The following GSK3B variants were observed in gnomAD, a reference collection of about 807,000 sequenced individuals.
The protein encoded by GSK3B is glycogen synthase kinase-3 beta.
A neutral mutation model predicts 56.4 loss-of-function variants in GSK3B; 15 were observed. That is an observed-to-expected ratio of 0.27 (90% confidence interval 0.18 to 0.41). GSK3B has a LOEUF of 0.41. Among genes scored for constraint, GSK3B ranks in the 10% least tolerant of loss-of-function variants. The pLI is 1.00. For synonymous variants in GSK3B, 181 were observed against 188.9 expected, an observed-to-expected ratio of 0.96 and a Z score of 0.34; for missense variants, 300 against 513.4, an observed-to-expected ratio of 0.58 and a Z score of 4.02.
chr3:120,087,531 CAAA>C (rs796814551), intron 1 of GSK3B, among the ~76,000 whole-genome samples: 1 of 126,338 alleles, frequency 7.9e-6, no homozygotes. Flanking sequence ...GACTCCATCT[CAAA>C]AAAAAAAAAA....
At chr3:119,974,793 T>C (rs2057396426) in intron 2 of GSK3B, among the ~76,000 whole-genome samples, 1 of 152,198 alleles carries the variant, frequency 6.6e-6, no homozygotes, top group African/African-American at 2.4e-5. Context: ...TACACACCTA[T>C]TAGAATGGCT....
intron 6 of GSK3B, among the ~76,000 whole-genome samples, chr3:119,907,586 T>C (rs192477179): frequency 5.3e-5 from 8 of 152,138 alleles, no homozygotes; most frequent in Non-Finnish European, 8.8e-5. Flanking sequence ...TTCAACTAAA[T>C]AGAAGGTACC....
intron 2 of GSK3B, among the ~76,000 whole-genome samples, chr3:119,987,884 T>A (rs929696002): frequency 6.6e-6 from 1 of 152,232 alleles, no homozygotes; most frequent in African/African-American, 2.4e-5. Context: ...TCCAAAGTTA[T>A]GGAAGACTCC....
chr3:119,835,626 A>G lies in GSK3B; in HGVS notation c.1195+7629T>C, dbSNP rs372206243. ...ATAGAGGCAATTTTTACTTCCTAAA[A>G]TAACTATACACTATATGTTCTTGAT... On this transcript the variant is annotated intron_variant, in intron 10 of 10. Transcript: ENST00000264235. Among the ~76,000 whole-genome samples, 10 of 152,306 alleles carry G rather than the reference A, an allele frequency of 6.6e-5. 1 individual carries two copies. In the East Asian group the frequency reaches 7.7e-4, roughly 12 times the overall value.
At chr3:119,830,508 A>G (rs908386119) in intron 10 of GSK3B, among the ~76,000 whole-genome samples, 1 of 152,262 alleles carries the variant, frequency 6.6e-6, no homozygotes, top group African/African-American at 2.4e-5. Flanking sequence ...ACATAAAAAC[A>G]GCAAAGTTCA....
chr3:120,002,058 G>A lies in GSK3B; in HGVS notation c.270C>T (p.Asp90=). 6.3e-7 allele frequency: 1 copy of A among 1,597,398 alleles called. No individual in the cohort carries two copies. The highest frequency in any genetic ancestry group is 8.5e-7 in the Non-Finnish European group (1 of 1,172,036). The change falls in exon 2 of 11, where the codon GAC becomes GAT. Residue 90 remains aspartate, a synonymous_variant. Coordinates refer to ENST00000264235, the MANE Select transcript of GSK3B (RefSeq NM_001146156.2). The part of the protein sequence containing the change: ...ELVAIKKVLQ[D]KRFKNRELQI... ...CTGGACATTTTACCTTAAATCTCTT[G>A]TCCTGCAATACTTTCTTGATGGCGA... is the stretch of plus-strand genomic sequence containing the variant.
Position 119,824,401 on chromosome 3 carries a change from CTTCTT to C in GSK3B, c.*2382_*2386del. 1.4e-5 allele frequency: 3 copies of C among 218,794 alleles called. No individual in the cohort carries two copies. Among genetic ancestry groups the C allele is most frequent in the Middle Eastern group, 1.4e-3 (1 of 704 alleles). The allele number at this position is 218,794 out of a possible 1,614,324, so 13.6% of individuals were successfully genotyped here. On this transcript the variant is annotated 3_prime_UTR_variant, in exon 11 of 11. Coordinates refer to ENST00000264235, the MANE Select transcript of GSK3B (RefSeq NM_001146156.2). ...TGAGAGAAAAGCGTGACTTTTCTCT[CTTCTT>C]TTACCCCAGTTGTGGGGGGCAACCT... is the stretch of plus-strand genomic sequence containing the variant.
At chr3:120,069,928 G>A (rs1205659116) in intron 1 of GSK3B, among the ~76,000 whole-genome samples, 2 of 152,022 alleles carry the variant, frequency 1.3e-5, no homozygotes, top group African/African-American at 4.8e-5. Context: ...ATAAATATAG[G>A]GGAAGGCCAG....
chr3:119,928,648 A>G (rs1013530868), intron 3 of GSK3B, among the ~76,000 whole-genome samples: 2 of 150,570 alleles, frequency 1.3e-5, no homozygotes, highest in East Asian at 3.9e-4. Flanking sequence ...GGGAAAAGGG[A>G]TAAGAAGCAA....
At chr3:119,941,298 G>C (rs982093780) in intron 3 of GSK3B, among the ~76,000 whole-genome samples, 1 of 152,132 alleles carries the variant, frequency 6.6e-6, no homozygotes, top group African/African-American at 2.4e-5. Context: ...GATTACAGGC[G>C]TAAACCACCT....
chr3:119,919,532 GAAAAAAAA>G (rs1191428996), intron 4 of GSK3B, among the ~76,000 whole-genome samples: 1 of 97,364 alleles, frequency 1.0e-5, no homozygotes, highest in African/African-American at 3.8e-5. Context: ...AAAAAAAAAA[GAAAAAAAA>G]AAAAAAGAAA....
chr3:120,076,650 C>A (rs1472972962), intron 1 of GSK3B, among the ~76,000 whole-genome samples: 1 of 151,366 alleles, frequency 6.6e-6, no homozygotes, highest in Non-Finnish European at 1.5e-5. Flanking sequence ...CCCGTCTCTA[C>A]TAAAAATACA....
chr3:120,010,296 C>A (rs1178457062), intron 1 of GSK3B, among the ~76,000 whole-genome samples: 3 of 152,096 alleles, frequency 2.0e-5, no homozygotes, highest in African/African-American at 7.2e-5. Flanking sequence ...TTCAAGCTGA[C>A]TATAAACCTT....
intron 2 of GSK3B, among the ~76,000 whole-genome samples, chr3:119,962,580 GA>G (rs111991397): frequency 2.8e-5 from 4 of 145,300 alleles, no homozygotes; most frequent in East Asian, 2.0e-4. Context: ...ATCTAAATTG[GA>G]AAAAAAAAAG....
chr3:119,915,275 T>C (rs1026128901), intron 5 of GSK3B, among the ~76,000 whole-genome samples: 2 of 152,086 alleles, frequency 1.3e-5, no homozygotes, highest in African/African-American at 4.8e-5. Flanking sequence ...GCATTGTTTT[T>C]TATCTCATCC....
intron 7 of GSK3B, among the ~76,000 whole-genome samples, chr3:119,903,231 T>G (rs1559829983): frequency 6.6e-6 from 1 of 152,134 alleles, no homozygotes; most frequent in Non-Finnish European, 1.5e-5. Context: ...GCAGCCACGG[T>G]CAAGAACATA....
intron 7 of GSK3B, among the ~76,000 whole-genome samples, chr3:119,883,280 T>C (rs1300526370): frequency 6.6e-6 from 1 of 152,040 alleles, no homozygotes; most frequent in Non-Finnish European, 1.5e-5. Context: ...TTTGAAACAC[T>C]GAAGAATATT....
chr3:119,829,004 GTA>G (rs1162753246), intron 10 of GSK3B, among the ~76,000 whole-genome samples: 1 of 152,188 alleles, frequency 6.6e-6, no homozygotes, highest in African/African-American at 2.4e-5. Flanking sequence ...GCAGGAAAGG[GTA>G]TATGACACAG....
At chr3:119,951,336 TTCAGGCGGGCAGATCACCTGAGGA>T (rs1470642026) in intron 2 of GSK3B, among the ~76,000 whole-genome samples, 1 of 152,112 alleles carries the variant, frequency 6.6e-6, no homozygotes, top group Non-Finnish European at 1.5e-5. Context: ...CTTTGGGAGG[TTCAGGCGGGCAGATCACCTGAGGA>T]CAGGAGTTCA....
Sources: allele counts gnomAD v4.1 joint callset (sites outside exome capture counted in the v4.1 genomes callset), GRCh38; gene constraint gnomAD v4.1.1; transcripts MANE v1.5; gene names NCBI Gene and HGNC (gene_info 2026-07-23, HGNC 2026-07-21).